ZC3H3: variants seen among roughly 807,000 people sequenced by gnomAD.
ZC3H3 encodes the protein zinc finger CCCH-type containing 3.
Under a neutral mutation model 77.3 loss-of-function variants are expected in ZC3H3, and 36 were observed. The observed-to-expected ratio is 0.47, with a 90% confidence interval of 0.36 to 0.61. The LOEUF is 0.61. ZC3H3 is among the 20% of genes least tolerant of loss of function. The pLI is 0.00. For missense variants in ZC3H3, 1,331 were observed against 1,312.2 expected, an observed-to-expected ratio of 1.01 and a Z score of -0.22; for synonymous variants, 626 against 555.2, an observed-to-expected ratio of 1.13 and a Z score of -1.79.
At chr8:143,492,136 A>T (rs917749473) in intron 4 of ZC3H3, among the ~76,000 whole-genome samples, 1 of 152,188 alleles carries the variant, frequency 6.6e-6, no homozygotes, top group African/African-American at 2.4e-5. Context: ...GTTGCATGGG[A>T]CCAAAGGGTG....
At position 143,462,366 on chromosome 8, in the gene ZC3H3, C is replaced by A. The variant is rs1370713341; in HGVS notation, c.2307+3351G>T. 6.6e-6 allele frequency among the ~76,000 whole-genome samples: 1 copy of A among 152,178 alleles called. No individual in the cohort carries two copies. Among genetic ancestry groups the A allele is most frequent in the Non-Finnish European group, 1.5e-5 (1 of 68,028 alleles). On this transcript the variant is annotated intron_variant, in intron 9 of 11. Transcript: ENST00000262577. This position sits in a 1 kb window ranked among gnomAD's most constrained non-coding sequence, Gnocchi z 4.7. The stretch of plus-strand genomic sequence containing the variant: ...GGGTGGAGACTGGTCCTAAACAAGA[C>A]CCCGAGCACAAATCACAGGGCAAAG...
intron 5 of ZC3H3, among the ~76,000 whole-genome samples, chr8:143,469,059 G>C (rs1017484306): frequency 4.1e-4 from 63 of 152,334 alleles, no homozygotes; most frequent in African/African-American, 1.3e-3. Flanking sequence ...TTGCTGGCTG[G>C]AACCCCCCTG....
chr8:143,438,387 C>T (rs1819638824), intron 11 of ZC3H3, among the ~76,000 whole-genome samples: 1 of 152,164 alleles, frequency 6.6e-6, no homozygotes, highest in African/African-American at 2.4e-5. Context: ...TCCTCCTGGG[C>T]GGGCGGCAGT....
In ZC3H3 at chr8:143,462,672, C is replaced by T. The variant is rs1820296719; in HGVS notation, c.2307+3045G>A. On this transcript the variant is annotated intron_variant, in intron 9 of 11. Transcript: ENST00000262577. This position sits in a 1 kb window ranked among gnomAD's most constrained non-coding sequence, Gnocchi z 4.7. ...ACAGCTCCCTGCAGACAGGCACCAA[C>T]CACACACAGGGTGTGGGGAAAACGG... is the stretch of plus-strand genomic sequence containing the variant. 6.6e-6 allele frequency among the ~76,000 whole-genome samples: 1 copy of T among 152,204 alleles called. No homozygotes were observed. Among genetic ancestry groups the T allele is most frequent in the Non-Finnish European group, 1.5e-5 (1 of 68,038 alleles).
intron 9 of ZC3H3, among the ~76,000 whole-genome samples, chr8:143,463,217 T>G (rs1455810852): frequency 6.6e-6 from 1 of 151,828 alleles, no homozygotes; most frequent in Non-Finnish European, 1.5e-5. Flanking sequence ...ACTCCTGACC[T>G]CAGGTGATCC....
chr8:143,504,563 G>A (rs1255903352), intron 4 of ZC3H3, among the ~76,000 whole-genome samples: 1 of 152,150 alleles, frequency 6.6e-6, no homozygotes, highest in Non-Finnish European at 1.5e-5. Context: ...CCACAATCAA[G>A]CCTAGAGACC....
chr8:143,455,991 A>T (rs1820108508), intron 9 of ZC3H3, among the ~76,000 whole-genome samples: 1 of 151,354 alleles, frequency 6.6e-6, no homozygotes, highest in Non-Finnish European at 1.5e-5. Context: ...AAAAAAAAAA[A>T]AAAAAAAAAA....
rs187956406 is a variant in ZC3H3, at chr8:143,521,776, A to C, written c.1562-13877T>G. Among the ~76,000 whole-genome samples, 117 of 152,306 alleles carry C rather than the reference A, an allele frequency of 7.7e-4. 1 individual carries two copies. Among genetic ancestry groups the C allele is most frequent in the African/African-American group, 2.5e-3 (105 of 41,570 alleles). ...GGGGCCCCCAGAAGGGGTCCCCAGGAAGAACGTAAATTGAGCACACATGCA... is the reference window on the plus strand; with the variant it reads ...GGGGCCCCCAGAAGGGGTCCCCAGGCAGAACGTAAATTGAGCACACATGCA... On this transcript the variant is annotated intron_variant, in intron 3 of 11. Transcript: ENST00000262577.
At chr8:143,477,210 G>C (rs1439921270) in intron 4 of ZC3H3, among the ~76,000 whole-genome samples, 1 of 152,248 alleles carries the variant, frequency 6.6e-6, no homozygotes, top group Non-Finnish European at 1.5e-5. Context: ...AGAGAGCCCG[G>C]TGCCGGGGAT....
chr8:143,463,075 C>G (rs1820308719), intron 9 of ZC3H3, among the ~76,000 whole-genome samples: 1 of 152,048 alleles, frequency 6.6e-6, no homozygotes, highest in Non-Finnish European at 1.5e-5. Context: ...CCTCCACCTC[C>G]CGGGTTCCAG....
At chr8:143,507,926 A>G in intron 3 of ZC3H3, 27 bp from the exon 4 acceptor site, 1 of 1,559,364 alleles carries the variant, frequency 6.4e-7, no homozygotes, top group African/African-American at 1.4e-5. Context: ...GGGCACAGAC[A>G]TGGGTCAGGG....
At chr8:143,531,658 T>C (rs548617798) in intron 3 of ZC3H3, among the ~76,000 whole-genome samples, 1 of 152,368 alleles carries the variant, frequency 6.6e-6, no homozygotes, top group African/African-American at 2.4e-5. Flanking sequence ...TTTATGCCTC[T>C]CAAATTAAAT....
At chr8:143,537,203 A>G (rs927836973) in intron 2 of ZC3H3, among the ~76,000 whole-genome samples, 2 of 152,164 alleles carry the variant, frequency 1.3e-5, no homozygotes, top group Non-Finnish European at 2.9e-5. Flanking sequence ...GTCTCATCAC[A>G]AGTCCGCAAG....
chr8:143,510,175 C>T (rs1403665510), intron 3 of ZC3H3, among the ~76,000 whole-genome samples: 1 of 152,246 alleles, frequency 6.6e-6, no homozygotes, highest in African/African-American at 2.4e-5. Flanking sequence ...AATAACGCAG[C>T]GCCAGCCTCT....
chr8:143,514,393 G>A (rs942942665), intron 3 of ZC3H3, among the ~76,000 whole-genome samples: 2 of 152,184 alleles, frequency 1.3e-5, no homozygotes, highest in South Asian at 2.1e-4. Flanking sequence ...GAGCTGGCCT[G>A]GAGCCATTGG....
intron 5 of ZC3H3, among the ~76,000 whole-genome samples, chr8:143,469,904 A>C (rs1390194757): frequency 1.3e-5 from 2 of 152,236 alleles, no homozygotes; most frequent in Non-Finnish European, 2.9e-5. Context: ...GTTAAGAGGC[A>C]GAGGTGACAT....
chr8:143,475,360 C>G (rs545282528), intron 5 of ZC3H3, 38 bp downstream of exon 5: 1 of 1,590,586 alleles, frequency 6.3e-7, no homozygotes, highest in Non-Finnish European at 8.6e-7. Context: ...GCTAGCCGGT[C>G]GGTGTCATCT....
intron 9 of ZC3H3, among the ~76,000 whole-genome samples, chr8:143,450,587 A>G (rs545813301): frequency 3.5e-4 from 54 of 152,296 alleles, no homozygotes; most frequent in Admixed American, 3.0e-3. Context: ...GGGAGCTTCC[A>G]ATCGTGGCAG....
intron 4 of ZC3H3, among the ~76,000 whole-genome samples, chr8:143,489,923 G>A (rs892863542): frequency 5.9e-5 from 9 of 152,128 alleles, no homozygotes; most frequent in African/African-American, 2.2e-4. Flanking sequence ...GAAAGTGGTG[G>A]GTGCATCCTA....
Sources: allele counts gnomAD v4.1 joint callset (sites outside exome capture counted in the v4.1 genomes callset), GRCh38; gene constraint gnomAD v4.1.1; non-coding constraint Gnocchi (gnomAD v3.1); transcripts MANE v1.5; gene names NCBI Gene and HGNC (gene_info 2026-07-23, HGNC 2026-07-21).